GPR137B: variants seen among roughly 807,000 people sequenced by gnomAD.
GPR137B encodes integral membrane protein GPR137B.
In GPR137B, 42 loss-of-function variants were observed where a neutral mutation model predicts 42.5. The ratio of observed to expected loss-of-function variants is 0.99; its 90% confidence interval spans 0.77 to 1.28. The LOEUF (loss-of-function observed/expected upper bound fraction) is 1.28, where lower values mean the gene tolerates loss of function less well. Among genes scored for constraint, GPR137B ranks in the 50% most tolerant of loss-of-function variants. GPR137B has a pLI of 0.00. For synonymous variants in GPR137B, 218 were observed against 209.7 expected (o/e 1.04, Z -0.34); for missense variants, 487 against 493.9 (o/e 0.99, Z 0.13).
chr1:236,153,020 C>T (rs1040364801), intron 1 of GPR137B, among the ~76,000 whole-genome samples: 11 of 150,378 alleles, frequency 7.3e-5, no homozygotes, highest in Non-Finnish European at 1.3e-4. Flanking sequence ...GACACCACTG[C>T]ACTCCAGGCT....
rs980723771 is a variant in GPR137B, at chr1:236,150,122, T to A, written c.414+7086T>A. 1.9e-4 allele frequency among the ~76,000 whole-genome samples: 28 copies of A among 150,566 alleles called. No individual in the cohort carries two copies. Among genetic ancestry groups the A allele is most frequent in the Non-Finnish European group, 5.9e-5 (4 of 67,508 alleles). ...GTCTGTGCCTGTGTATGTCTGTGCC[T>A]GCGTGTGCCTGTGTGTGTGCCTCTG... is the stretch of plus-strand genomic sequence containing the variant. On this transcript the variant is annotated intron_variant, in intron 1 of 6. Transcript: ENST00000366592. This position sits in a 1 kb window ranked among gnomAD's most constrained non-coding sequence, Gnocchi z 6.2.
chr1:236,155,738 C>T lies in GPR137B; in HGVS notation c.414+12702C>T, dbSNP rs533127284. ...GAGGAGGGGAGAGGTGCTTGCTGCC[C>T]GGAGAGCTGAGCTGCTGGGAACAGG... On this transcript the variant is annotated intron_variant, in intron 1 of 6. Transcript: ENST00000366592. The surrounding 1 kb of genome is among the most constrained non-coding windows in gnomAD (Gnocchi z 4.6). 4.6e-5 allele frequency among the ~76,000 whole-genome samples: 7 copies of T among 152,128 alleles called. No individual in the cohort carries two copies. Among genetic ancestry groups the T allele is most frequent in the East Asian group, 1.9e-4 (1 of 5,164 alleles).
At chr1:236,151,871 C>T (rs1373695039) in intron 1 of GPR137B, among the ~76,000 whole-genome samples, 1 of 152,202 alleles carries the variant, frequency 6.6e-6, no homozygotes, top group Non-Finnish European at 1.5e-5. Context: ...ACCTTGGACT[C>T]TGCTGCCACA....
chr1:236,201,938 G>T (rs1156952738), intron 5 of GPR137B, among the ~76,000 whole-genome samples: 2 of 152,018 alleles, frequency 1.3e-5, no homozygotes, highest in East Asian at 1.9e-4. Flanking sequence ...TGTCTGGGTG[G>T]TTCCTTGATG....
At chr1:236,168,829 G>A in intron 2 of GPR137B, 74 bp downstream of exon 2, 1 of 1,088,506 alleles carries the variant, frequency 9.2e-7, no homozygotes, top group Non-Finnish European at 1.4e-6. Context: ...CTCTCCATTG[G>A]GGTTTGCACA....
chr1:236,165,894 C>T (rs1321316522), intron 1 of GPR137B, among the ~76,000 whole-genome samples: 5 of 152,142 alleles, frequency 3.3e-5, no homozygotes, highest in African/African-American at 9.7e-5. Flanking sequence ...GAAGGCCTGC[C>T]TCAGAATAAA....
In GPR137B at chr1:236,207,225, C is replaced by T. The variant is rs567697081; in HGVS notation, c.1092-825C>T. On this transcript the variant is annotated intron_variant, in intron 6 of 6. Coordinates refer to ENST00000366592, the MANE Select transcript of GPR137B (RefSeq NM_003272.4). ...CTGGTCAGATAGGATAAAAGATTGTCGCTGAGAAAAAAGAAGAAAGCTGCC... is the reference window on the plus strand; with the variant it reads ...CTGGTCAGATAGGATAAAAGATTGTTGCTGAGAAAAAAGAAGAAAGCTGCC... 5.5e-5 allele frequency: 54 copies of T among 985,164 alleles called. No homozygotes were observed. In the Admixed American group the frequency reaches 1.4e-3, roughly 25 times the overall value. 61.0% of individuals were successfully genotyped at this position (985,164 alleles called of 1,614,324 possible). A position where few individuals can be genotyped will look rare whatever the true frequency, so the allele number is the denominator to read the frequency against.
At chr1:236,181,951 C>T (rs112215806) in intron 4 of GPR137B, among the ~76,000 whole-genome samples, 1 of 139,552 alleles carries the variant, frequency 7.2e-6, no homozygotes, top group Non-Finnish European at 1.5e-5. Context: ...GGAGTGCAGC[C>T]GCACAATCTT....
At position 236,195,971 on chromosome 1, in the gene GPR137B, T is replaced by C. The variant is rs577416493; in HGVS notation, c.967-9155T>C. 7.2e-5 allele frequency among the ~76,000 whole-genome samples: 11 copies of C among 152,304 alleles called. No homozygotes were observed. The East Asian group carries it at 9.6e-4, about 13-fold the overall frequency. On this transcript the variant is annotated intron_variant, in intron 5 of 6. Transcript: ENST00000366592. ...ACTACACCTTTTCCTAATATTCTGG[T>C]TGTTAATCCCTTGTCAGATGGGTAG... is the stretch of plus-strand genomic sequence containing the variant.
chr1:236,143,308 G>A (rs1189294316), intron 1 of GPR137B, among the ~76,000 whole-genome samples: 1 of 152,280 alleles, frequency 6.6e-6, no homozygotes, highest in Non-Finnish European at 1.5e-5. Flanking sequence ...CGCATCGTGC[G>A]GTGGATTCGG....
At chr1:236,165,663 C>T (rs35678371) in intron 1 of GPR137B, among the ~76,000 whole-genome samples, 3,500 of 152,248 alleles carry the variant, frequency 0.023, 47 homozygotes, top group Middle Eastern at 0.031. Flanking sequence ...ACTCTATTCC[C>T]GGGAACACTC....
At chr1:236,168,680 C>G (rs201752084) in intron 1 of GPR137B, 26 bp from the exon 2 acceptor site, 50 of 1,600,002 alleles carry the variant, frequency 3.1e-5, no homozygotes, top group Non-Finnish European at 4.0e-5. Flanking sequence ...TGGACCCCAA[C>G]CTGCCATGCT....
At position 236,183,814 on chromosome 1, in the gene GPR137B, G is replaced by C. The variant is rs202151463; in HGVS notation, c.874G>C (p.Val292Leu). ...GAATCAGCTGGGAGATGCTGGATACGTATTATTTGGAGTGGTGTTATTTGT... is the reference window on the plus strand; with the variant it reads ...GAATCAGCTGGGAGATGCTGGATACCTATTATTTGGAGTGGTGTTATTTGT... ...LKNQLGDAGY[V>L]LFGVVLFVWE... Residue 292 changes from valine (V) to leucine (L), a missense_variant, in exon 5 of 7, where the codon GTA (valine) becomes CTA (leucine). Val to Leu is a conservative substitution (Grantham distance 32). Transcript: ENST00000366592. The C allele has an allele frequency of 2.5e-6, 4 of 1,604,104 alleles. No individual in the cohort carries two copies. Among genetic ancestry groups the C allele is most frequent in the Non-Finnish European group, 3.4e-6 (4 of 1,171,146 alleles).
rs542619986 is a variant in GPR137B, at chr1:236,150,799, C to T, written c.414+7763C>T. 7.2e-5 allele frequency among the ~76,000 whole-genome samples: 11 copies of T among 152,250 alleles called. No individual in the cohort carries two copies. In the South Asian group the frequency reaches 1.2e-3, roughly 17 times the overall value. On this transcript the variant is annotated intron_variant, in intron 1 of 6. Coordinates refer to ENST00000366592, the MANE Select transcript of GPR137B (RefSeq NM_003272.4). The surrounding 1 kb of genome is among the most constrained non-coding windows in gnomAD (Gnocchi z 6.2). ...GTAGTGACCAGCAGGGAGGCAGGGC[C>T]GGAGCACTGTCCTGAGGCTAGTGCA... is the stretch of plus-strand genomic sequence containing the variant.
Position 236,177,366 on chromosome 1 carries a change from G to A in GPR137B, c.465-1048G>A, listed in dbSNP as rs573108761. 8.6e-5 allele frequency among the ~76,000 whole-genome samples: 13 copies of A among 151,788 alleles called. No individual in the cohort carries two copies. The East Asian group carries it at 2.1e-3, about 25-fold the overall frequency. ...TACCCCCTCCCTCTCCCTACCCACC[G>A]ACTTATCATCAGTGGCATGTCTAGA... is the stretch of plus-strand genomic sequence containing the variant. On this transcript the variant is annotated intron_variant, in intron 2 of 6. Transcript: ENST00000366592.
At chr1:236,162,218 G>T (rs573348613) in intron 1 of GPR137B, among the ~76,000 whole-genome samples, 1 of 152,254 alleles carries the variant, frequency 6.6e-6, no homozygotes. Flanking sequence ...TTTTACCCTT[G>T]CCCTAGAGAT....
intron 1 of GPR137B, among the ~76,000 whole-genome samples, chr1:236,167,849 A>G (rs1477349439): frequency 3.3e-5 from 5 of 151,974 alleles, no homozygotes; most frequent in African/African-American, 1.2e-4. Context: ...GTGGACACCT[A>G]CCTTCTGCCT....
chr1:236,185,915 T>C (rs1663004597), intron 5 of GPR137B, among the ~76,000 whole-genome samples: 1 of 151,822 alleles, frequency 6.6e-6, no homozygotes, highest in Non-Finnish European at 1.5e-5. Context: ...TCATCTGTCA[T>C]TCCCCATTTC....
Position 236,179,980 on chromosome 1 carries a change from C to G in GPR137B, c.789C>G (p.Asn263Lys). The change falls in exon 4 of 7, where the codon AAC becomes AAG. Residue 263 changes from asparagine to lysine, a missense_variant. By Grantham distance (94) the Asn-to-Lys change is moderately conservative. Coordinates refer to ENST00000366592, the MANE Select transcript of GPR137B (RefSeq NM_003272.4). Reference sequence around the variant, plus strand: ...TGTTCATCCTGTCATTTTCTCAGAACAAGAGCGTCCATTCCTTTGATTATG... The same window carrying G: ...TGTTCATCCTGTCATTTTCTCAGAAGAAGAGCGTCCATTCCTTTGATTATG... ...YNLFILSFSQ[N>K]KSVHSFDYDW... 1.9e-6 allele frequency: 3 copies of G among 1,613,618 alleles called. No individual in the cohort carries two copies. The highest frequency in any genetic ancestry group is 2.5e-6 in the Non-Finnish European group (3 of 1,179,572).
Sources: gnomAD v4.1 joint callset for allele counts (sites outside exome capture counted in the v4.1 genomes callset) on GRCh38, gnomAD v4.1.1 for gene constraint, Gnocchi (gnomAD v3.1) non-coding constraint, MANE v1.5 for transcripts, NCBI Gene and HGNC (gene_info 2026-07-23, HGNC 2026-07-21) for gene names.